KLF7: variants seen among roughly 807,000 people sequenced by gnomAD.
KLF7 encodes the protein KLF transcription factor 7.
KLF7 carries 2 observed loss-of-function variants against 27.3 expected under a neutral mutation model. The observed-to-expected ratio is 0.07, with a 90% confidence interval of 0.03 to 0.23. KLF7 has a LOEUF of 0.23. Ranked by LOEUF, KLF7 falls within the 10% of genes least tolerant of loss-of-function variation. The pLI is 1.00. For synonymous variants in KLF7, 165 were observed against 162.4 expected, an observed-to-expected ratio of 1.02 and a Z score of -0.12; for missense variants, 221 against 394.1, an observed-to-expected ratio of 0.56 and a Z score of 3.72.
In KLF7 at chr2:207,079,558, C is replaced by T. The variant is rs1178203946; in HGVS notation, c.*1655G>A. The T allele has an allele frequency of 6.6e-6, 1 of 152,214 alleles. No individual in the cohort carries two copies. Among genetic ancestry groups the T allele is most frequent in the Non-Finnish European group, 1.5e-5 (1 of 68,086 alleles). The allele number at this position is 152,214 out of a possible 1,614,324, so 9.4% of individuals were successfully genotyped here. A position where few individuals can be genotyped will look rare whatever the true frequency, so the allele number is the denominator to read the frequency against. On this transcript the variant is annotated 3_prime_UTR_variant, in exon 4 of 4. Transcript: ENST00000309446. ...TGCTTGCATAGGCCATTTGATGGTC[C>T]TAAAGGCAGTCTTTGGAGTTGAGGC...
At chr2:207,129,895 A>G (rs370604200) in intron 1 of KLF7, among the ~76,000 whole-genome samples, 1 of 152,234 alleles carries the variant, frequency 6.6e-6, no homozygotes, top group South Asian at 2.1e-4. Context: ...AGGATAATTC[A>G]AGTTTTGTGG....
chr2:207,098,856 G>A (rs1330307925), intron 2 of KLF7, among the ~76,000 whole-genome samples: 3 of 139,614 alleles, frequency 2.1e-5, no homozygotes, highest in Admixed American at 8.2e-5. Flanking sequence ...CTGGCCTGAA[G>A]TGATCCCCCG....
At chr2:207,113,493 C>T (rs929323295) in intron 2 of KLF7, among the ~76,000 whole-genome samples, 4 of 150,766 alleles carry the variant, frequency 2.7e-5, no homozygotes, top group African/African-American at 9.8e-5. Flanking sequence ...CCCCTCCCCA[C>T]TGACTAAATC....
In KLF7 at chr2:207,081,053, G is replaced by T; in HGVS notation, c.*160C>A. ...TGTGTATGTGTGTGGGTCTGTGAGT[G>T]TGTGTATATGTGTGTGTGTGTGTGT... On this transcript the variant is annotated 3_prime_UTR_variant, in exon 4 of 4. Coordinates refer to ENST00000309446, the MANE Select transcript of KLF7 (RefSeq NM_003709.4). The T allele has an allele frequency of 1.5e-6, 1 of 645,518 alleles. No homozygotes were observed. The highest frequency in any genetic ancestry group is 2.8e-6 in the Non-Finnish European group (1 of 359,818). The allele number at this position is 645,518 out of a possible 1,614,324, so 40.0% of individuals were successfully genotyped here.
At chr2:207,118,184 T>C (rs1332209335) in intron 2 of KLF7, among the ~76,000 whole-genome samples, 1 of 152,222 alleles carries the variant, frequency 6.6e-6, no homozygotes, top group Non-Finnish European at 1.5e-5. Flanking sequence ...AATACTGACC[T>C]TTCTTATTTG....
chr2:207,112,357 G>C (rs1490123510), intron 2 of KLF7, among the ~76,000 whole-genome samples: 1 of 152,064 alleles, frequency 6.6e-6, no homozygotes, highest in Non-Finnish European at 1.5e-5. Flanking sequence ...AGCCTGGCTG[G>C]AGGCCTTCTG....
chr2:207,123,422 T>A (rs1436117587), intron 2 of KLF7, among the ~76,000 whole-genome samples: 1 of 152,130 alleles, frequency 6.6e-6, no homozygotes, highest in Non-Finnish European at 1.5e-5. Flanking sequence ...CCAGTGTTGA[T>A]CAAAACTGTG....
chr2:207,144,104 G>A (rs866447483), intron 1 of KLF7, among the ~76,000 whole-genome samples: 1 of 150,038 alleles, frequency 6.7e-6, no homozygotes, highest in Non-Finnish European at 1.5e-5. Flanking sequence ...ACAGATGAAC[G>A]CAATGTAGAG....
At chr2:207,113,612 G>GGT (rs1553526435) in intron 2 of KLF7, among the ~76,000 whole-genome samples, 2 of 131,272 alleles carry the variant, frequency 1.5e-5, no homozygotes, top group East Asian at 5.0e-4. Context: ...GGGGGTGGGG[G>GGT]GGGGGGGGAA....
intron 1 of KLF7, among the ~76,000 whole-genome samples, chr2:207,130,780 C>T (rs751517719): frequency 1.3e-5 from 2 of 152,290 alleles, no homozygotes; most frequent in South Asian, 4.1e-4. Flanking sequence ...TTTGCTACTA[C>T]CCAATAACTA....
At chr2:207,120,844 A>G (rs1574495717) in intron 2 of KLF7, 1 of 152,074 alleles carries the variant, frequency 6.6e-6, no homozygotes, top group East Asian at 1.9e-4. Flanking sequence ...TGTTTTCATT[A>G]TTCTTAGTTC....
chr2:207,109,323 A>G (rs1162650686), intron 2 of KLF7, among the ~76,000 whole-genome samples: 1 of 152,256 alleles, frequency 6.6e-6, no homozygotes, highest in African/African-American at 2.4e-5. Flanking sequence ...TAAAATAACA[A>G]CAAATAGCCA....
chr2:207,162,366 G>A (rs759361607), intron 1 of KLF7, among the ~76,000 whole-genome samples: 6 of 152,152 alleles, frequency 3.9e-5, no homozygotes, highest in African/African-American at 9.7e-5. Flanking sequence ...TAAGAATTGC[G>A]CGTCAGCTGA....
intron 2 of KLF7, among the ~76,000 whole-genome samples, chr2:207,115,312 G>A (rs1574483911): frequency 6.6e-6 from 1 of 152,292 alleles, no homozygotes; most frequent in Admixed American, 6.5e-5. Flanking sequence ...TCCCGGGTCA[G>A]TCCCCAGCTC....
chr2:207,093,044 A>G (rs1286796310), intron 2 of KLF7, among the ~76,000 whole-genome samples: 2 of 152,216 alleles, frequency 1.3e-5, no homozygotes, highest in Admixed American at 6.5e-5. Context: ...TATTCTACTT[A>G]TAACAGTCAA....
intron 2 of KLF7, among the ~76,000 whole-genome samples, chr2:207,118,992 C>T (rs995677553): frequency 2.0e-5 from 3 of 152,180 alleles, no homozygotes; most frequent in Non-Finnish European, 2.9e-5. Flanking sequence ...ATAAGATGGG[C>T]CCCAAAGAAA....
the KLF7 span, among the ~76,000 whole-genome samples, chr2:207,173,015 A>G: frequency 7.9e-5 from 12 of 152,294 alleles, no homozygotes; most frequent in Middle Eastern, 3.4e-3. Flanking sequence ...TCCCTTCACC[A>G]TCTTACTACA....
At chr2:207,118,219 T>C (rs1472720833) in intron 2 of KLF7, among the ~76,000 whole-genome samples, 1 of 152,228 alleles carries the variant, frequency 6.6e-6, no homozygotes, top group African/African-American at 2.4e-5. Context: ...TTAACATTTG[T>C]CATTTTAATG....
chr2:207,112,042 A>G (rs1477986682), intron 2 of KLF7, among the ~76,000 whole-genome samples: 1 of 151,874 alleles, frequency 6.6e-6, no homozygotes, highest in Non-Finnish European at 1.5e-5. Flanking sequence ...TGCTGTCAAC[A>G]AAGATGAAAT....
Sources: allele counts gnomAD v4.1 joint callset (sites outside exome capture counted in the v4.1 genomes callset), GRCh38; gene constraint gnomAD v4.1.1; transcripts MANE v1.5; gene names NCBI Gene and HGNC (gene_info 2026-07-23, HGNC 2026-07-21).